The following KYAT1 variants were observed in gnomAD, a reference collection of about 807,000 sequenced individuals.
KYAT1 encodes the protein kynurenine aminotransferase 1, also known as kynurenine--oxoglutarate transaminase 1.
In KYAT1, 47 loss-of-function variants were observed where a neutral mutation model predicts 52.4. The ratio of observed to expected loss-of-function variants is 0.90; its 90% CI spans 0.71 to 1.14. The LOEUF (loss-of-function observed/expected upper bound fraction) is 1.14, where lower values mean the gene tolerates loss of function less well. Ranked by LOEUF, KYAT1 falls within the 50% of genes most tolerant of loss-of-function variation. The pLI is 0.00. For missense variants in KYAT1, 480 were observed against 557.9 expected, an observed-to-expected ratio of 0.86 and a Z score of 1.41; for synonymous variants, 212 against 209.6, an observed-to-expected ratio of 1.01 and a Z score of -0.10.
rs190440312 is a variant in KYAT1, at chr9:128,869,318, C to T, written c.-7+12579G>A. On this transcript the variant is annotated intron_variant, in intron 1 of 12. Coordinates refer to ENST00000302586, the MANE Select transcript of KYAT1 (RefSeq NM_004059.5). The stretch of plus-strand genomic sequence containing the variant: ...CTGGGACTACAGGCGCGAGCCACCA[C>T]GCCCGGCTAATTTTTTGTATTTTTA... Among the ~76,000 whole-genome samples, 463 of 152,006 alleles carry T rather than the reference C, an allele frequency of 3.0e-3. 1 individual carries two copies. Among genetic ancestry groups the T allele is most frequent in the Non-Finnish European group, 5.1e-3 (347 of 67,978 alleles).
intron 1 of KYAT1, among the ~76,000 whole-genome samples, chr9:128,869,756 CT>C (rs898055948): frequency 0.047 from 6,602 of 141,812 alleles, 210 homozygotes; most frequent in African/African-American, 0.1. Context: ...TGATAATGTA[CT>C]TTTTTTTTTT....
chr9:128,879,076 C>A (rs529570563), intron 1 of KYAT1, among the ~76,000 whole-genome samples: 5 of 152,184 alleles, frequency 3.3e-5, no homozygotes, highest in Non-Finnish European at 5.9e-5. Context: ...TTTGGGAGGC[C>A]GAGGTGGGCG....
At chr9:128,844,737 C>A (rs560990510) in intron 2 of KYAT1, among the ~76,000 whole-genome samples, 1 of 151,448 alleles carries the variant, frequency 6.6e-6, no homozygotes, top group African/African-American at 2.4e-5. Flanking sequence ...TTGTGTTGCA[C>A]GCCTGTAATC....
chr9:128,875,082 T>G (rs1837783474), intron 1 of KYAT1, among the ~76,000 whole-genome samples: 1 of 152,062 alleles, frequency 6.6e-6, no homozygotes, highest in Admixed American at 6.6e-5. Context: ...GTCATTATCT[T>G]TTTCTTTAGA....
intron 1 of KYAT1, 156 bp from the exon 2 acceptor site, chr9:128,845,567 G>C (rs898582693): frequency 1.0e-5 from 7 of 675,196 alleles, no homozygotes; most frequent in Non-Finnish European, 1.3e-5. Context: ...GCAGGTTTCT[G>C]CCTGCCTCCC....
At chr9:128,865,326 TATATATATATA>T (rs1836091536) in intron 1 of KYAT1, among the ~76,000 whole-genome samples, 1 of 46,640 alleles carries the variant, frequency 2.1e-5, no homozygotes, top group Non-Finnish European at 3.1e-5. Context: ...TATATATATA[TATATATATATA>T]TATATATATA....
intron 1 of KYAT1, among the ~76,000 whole-genome samples, chr9:128,865,320 T>C (rs1836069806): frequency 9.6e-4 from 1 of 1,044 alleles, no homozygotes; most frequent in South Asian, 0.038. Context: ...TATATATATA[T>C]ATATATATAT....
chr9:128,846,166 C>T (rs1157771184), intron 1 of KYAT1, among the ~76,000 whole-genome samples: 5 of 152,218 alleles, frequency 3.3e-5, no homozygotes, highest in Non-Finnish European at 5.9e-5. Context: ...CAGTGGCTCA[C>T]GCCTGTAATC....
chr9:128,846,209 A>T (rs938815562), intron 1 of KYAT1, among the ~76,000 whole-genome samples: 1 of 152,142 alleles, frequency 6.6e-6, no homozygotes, highest in African/African-American at 2.4e-5. Flanking sequence ...CGGGCAGATC[A>T]CCTGAGGTCA....
At position 128,835,682 on chromosome 9, in the gene KYAT1, T is replaced by C; in HGVS notation, c.856-15A>G. On this transcript the variant is annotated splice_polypyrimidine_tract_variant and intron_variant, in intron 9 of 12. Transcript: ENST00000302586. ...GCTACTGCAGCCTGGGCAGGGCAGA[T>C]GGACACACAGATAGATCAGCTGTTC... 1 of 1,608,690 alleles carries C rather than the reference T, an allele frequency of 6.2e-7. No individual in the cohort carries two copies. The highest frequency in any genetic ancestry group is 8.5e-7 in the Non-Finnish European group (1 of 1,179,176).
At chr9:128,879,970 G>A (rs1019608477) in intron 1 of KYAT1, among the ~76,000 whole-genome samples, 5 of 152,184 alleles carry the variant, frequency 3.3e-5, no homozygotes, top group African/African-American at 1.2e-4. Flanking sequence ...GAGAGGCCTG[G>A]GAGCCCAGCA....
Position 128,845,416 on chromosome 9 carries a change from A to G in KYAT1, c.-6-5T>C, listed in dbSNP as rs755237198. The G allele has an allele frequency of 1.9e-6, 3 of 1,613,472 alleles. No homozygotes were observed. Among genetic ancestry groups the G allele is most frequent in the African/African-American group, 2.7e-5 (2 of 74,924 alleles). On this transcript the variant is annotated splice_region_variant and splice_polypyrimidine_tract_variant and intron_variant, in intron 1 of 12. Coordinates refer to ENST00000302586, the MANE Select transcript of KYAT1 (RefSeq NM_004059.5). ...CAGCTGTTTGGCCATGGCGAGCTGGAGACGAACAAGTGGAAGGTCAGAGAT... is the reference window on the plus strand; with the variant it reads ...CAGCTGTTTGGCCATGGCGAGCTGGGGACGAACAAGTGGAAGGTCAGAGAT...
intron 1 of KYAT1, among the ~76,000 whole-genome samples, chr9:128,876,540 C>A (rs1294118637): frequency 6.6e-6 from 1 of 151,492 alleles, no homozygotes; most frequent in African/African-American, 2.4e-5. Context: ...GCCTCAGCCT[C>A]CCGAGTAGCT....
chr9:128,862,724 G>A (rs1228145987), intron 1 of KYAT1, among the ~76,000 whole-genome samples: 1 of 152,214 alleles, frequency 6.6e-6, no homozygotes, highest in Non-Finnish European at 1.5e-5. Flanking sequence ...CCTTGGGGGT[G>A]GGGCTGGAAA....
chr9:128,853,959 C>T (rs1834275937), intron 1 of KYAT1, among the ~76,000 whole-genome samples: 1 of 152,226 alleles, frequency 6.6e-6, no homozygotes, highest in Non-Finnish European at 1.5e-5. Context: ...TACTTATTCA[C>T]ATTTCATATG....
Position 128,865,342 on chromosome 9 carries a change from TATATATATA to T in KYAT1, c.-7+16546_-7+16554del, listed in dbSNP as rs1836163781. 9.4e-4 allele frequency among the ~76,000 whole-genome samples: 6 copies of T among 6,382 alleles called. 1 individual carries two copies. The highest frequency in any genetic ancestry group is 2.8e-3 in the African/African-American group (5 of 1,756). The allele number at this position is 6,382 out of a possible 152,430, so 4.2% of individuals were successfully genotyped here. On this transcript the variant is annotated intron_variant, in intron 1 of 12. Coordinates refer to ENST00000302586, the MANE Select transcript of KYAT1 (RefSeq NM_004059.5). ...ATATATATATATATATATATATATA[TATATATATA>T]TATATATATTTTTTTTTTTTTTTTT...
chr9:128,837,850 C>T (rs74427841), intron 5 of KYAT1, 37 bp from the exon 6 acceptor site: 2 of 1,610,926 alleles, frequency 1.2e-6, no homozygotes, highest in Non-Finnish European at 1.7e-6. Flanking sequence ...TACCACTTAA[C>T]CACCTGACAT....
At chr9:128,882,361 G>T (rs1017846797), upstream of KYAT1, 1 of 204,224 alleles carries the variant, frequency 4.9e-6, no homozygotes, top group African/African-American at 2.3e-5. Flanking sequence ...CTGGGGCTCT[G>T]TCTCCGGGCC....
chr9:128,844,943 T>G (rs1446410903), intron 2 of KYAT1, among the ~76,000 whole-genome samples: 5 of 152,208 alleles, frequency 3.3e-5, no homozygotes, highest in African/African-American at 1.2e-4. Context: ...GAGCTGACTG[T>G]ATCTTACTTG....
Sources: gnomAD v4.1 joint callset for allele counts (sites outside exome capture counted in the v4.1 genomes callset) on GRCh38, gnomAD v4.1.1 for gene constraint, MANE v1.5 for transcripts, NCBI Gene and HGNC (gene_info 2026-07-23, HGNC 2026-07-21) for gene names.